BRF1: variants seen among roughly 807,000 people sequenced by gnomAD.
BRF1 encodes the protein BRF1 general transcription factor IIIB subunit.
BRF1 carries 59 observed loss-of-function variants against 81.7 expected under a neutral mutation model. The ratio of observed to expected loss-of-function variants is 0.72; its 90% CI spans 0.59 to 0.90. The LOEUF (loss-of-function observed/expected upper bound fraction) is 0.90, where lower values mean the gene tolerates loss of function less well. Among genes scored for constraint, BRF1 ranks in the 40% least tolerant of loss-of-function variants. The pLI, the probability that BRF1 is intolerant of heterozygous loss-of-function variation, is 0.00. For missense variants in BRF1, 1,050 were observed against 936.3 expected (o/e 1.12, Z -1.58); for synonymous variants, 491 against 395.6 (o/e 1.24, Z -2.86).
chr14:105,248,409 C>T (rs2055274497), intron 5 of BRF1: 3 of 985,266 alleles, frequency 3.0e-6, no homozygotes, highest in African/African-American at 1.7e-5. Context: ...CCGCCTTCCA[C>T]GGCTACCTCT....
chr14:105,215,122 C>G (rs1228394927), intron 15 of BRF1, among the ~76,000 whole-genome samples: 1 of 152,168 alleles, frequency 6.6e-6, no homozygotes, highest in East Asian at 1.9e-4. Context: ...TGATGGGTTT[C>G]TAAAGCAGGA....
At position 105,274,325 on chromosome 14, in the gene BRF1, G is replaced by A. The variant is rs1407648343; in HGVS notation, c.266-1431C>T. ...AAACTGAGGGAACTCAGAGACCGGT[G>A]CCGGTGCAGGTCCTTGGTATGCTGA... On this transcript the variant is annotated intron_variant, in intron 2 of 17. Coordinates refer to ENST00000547530, the MANE Select transcript of BRF1 (RefSeq NM_001519.4). Among the ~76,000 whole-genome samples the A allele has an allele frequency of 2.0e-5, 3 of 152,190 alleles. No individual in the cohort carries two copies. The East Asian group carries it at 5.8e-4, about 29-fold the overall frequency.
intron 3 of BRF1, among the ~76,000 whole-genome samples, chr14:105,266,720 GACAA>G (rs2056433878): frequency 6.6e-6 from 1 of 152,070 alleles, no homozygotes; most frequent in Non-Finnish European, 1.5e-5. Flanking sequence ...CAAAAGGCAG[GACAA>G]ACAGATGAGA....
Position 105,292,939 on chromosome 14 carries a change from T to C in BRF1, c.185-6563A>G, listed in dbSNP as rs587763034. 1.4e-4 allele frequency among the ~76,000 whole-genome samples: 21 copies of C among 152,208 alleles called. 1 individual carries two copies. The South Asian group carries it at 2.9e-3, about 21-fold the overall frequency. ...GGCCACTGCGGAGGAGCTGGTTTTG[T>C]AGTGATTACAATTTGGTTACGGAAA... On this transcript the variant is annotated intron_variant, in intron 1 of 17. Transcript: ENST00000547530.
At chr14:105,278,615 G>A (rs1369441349) in intron 2 of BRF1, among the ~76,000 whole-genome samples, 2 of 151,944 alleles carry the variant, frequency 1.3e-5, no homozygotes, top group Non-Finnish European at 2.9e-5. Flanking sequence ...TTATAATTAA[G>A]AAATTTCTGG....
At chr14:105,278,362 G>A (rs1191930194) in intron 2 of BRF1, among the ~76,000 whole-genome samples, 1 of 151,136 alleles carries the variant, frequency 6.6e-6, no homozygotes, top group Non-Finnish European at 1.5e-5. Flanking sequence ...AGCTTGGAAG[G>A]TTGAGGCTGC....
At chr14:105,260,747 C>T (rs894422903) in intron 3 of BRF1, among the ~76,000 whole-genome samples, 3 of 152,198 alleles carry the variant, frequency 2.0e-5, no homozygotes, top group Non-Finnish European at 4.4e-5. Context: ...AAACATTTAA[C>T]GAAGTTAGAA....
chr14:105,249,604 G>C (rs1171185661), intron 5 of BRF1: 18 of 1,589,886 alleles, frequency 1.1e-5, no homozygotes, highest in Non-Finnish European at 1.5e-5. Flanking sequence ...TGGGTGCTTG[G>C]GAGCCAGCCC....
rs2058282037 is a variant in BRF1, at chr14:105,309,356, A to C, written c.-162+5966T>G. On this transcript the variant is annotated intron_variant, in intron 1 of 17. Transcript: ENST00000327359. The surrounding 1 kb of genome is among the most constrained non-coding windows in gnomAD (Gnocchi z 4.0). ...GATTTGTCACACAATCACATATCTG[A>C]GAATTTCCCCATGTTGCTAAAACTG... 2.0e-5 allele frequency among the ~76,000 whole-genome samples: 3 copies of C among 151,946 alleles called. No homozygotes were observed. The highest frequency in any genetic ancestry group is 4.1e-4 in the South Asian group (2 of 4,830).
At chr14:105,305,705 G>A (rs764756581), upstream of BRF1, among the ~76,000 whole-genome samples, 23 of 152,314 alleles carry the variant, frequency 1.5e-4, no homozygotes, top group East Asian at 3.9e-4. Flanking sequence ...CCTGGGGACC[G>A]GTTAGGTGCC....
intron 2 of BRF1, among the ~76,000 whole-genome samples, chr14:105,278,006 C>T (rs932053364): frequency 2.0e-5 from 3 of 152,148 alleles, no homozygotes; most frequent in Admixed American, 6.5e-5. Context: ...CACCCATCTC[C>T]GCCTCCCAAA....
At chr14:105,249,658 G>A (rs759160917) in intron 5 of BRF1, 1 of 1,612,584 alleles carries the variant, frequency 6.2e-7, no homozygotes, top group Non-Finnish European at 8.5e-7. Context: ...ACAGTGATGA[G>A]ATCGATCTGG....
Position 105,270,174 on chromosome 14 carries a change from CTTTT to C in BRF1, c.439+2543_439+2546del, listed in dbSNP as rs56662868. On this transcript the variant is annotated intron_variant, in intron 3 of 17. Coordinates refer to ENST00000547530, the MANE Select transcript of BRF1 (RefSeq NM_001519.4). ...GACAAATTTCAAAATGTTGAAAGGA[CTTTT>C]TTTTTTTTTTTTTGAGACGGAGTCT... Among the ~76,000 whole-genome samples the C allele has an allele frequency of 1.1e-3, 131 of 115,304 alleles. 1 individual carries two copies. Among genetic ancestry groups the C allele is most frequent in the African/African-American group, 3.7e-3 (114 of 30,794 alleles). The allele number at this position is 115,304 out of a possible 152,430, so 75.6% of individuals were successfully genotyped here. A position where few individuals can be genotyped will look rare whatever the true frequency, so the allele number is the denominator to read the frequency against.
At chr14:105,225,710 C>T (rs1412561161) in intron 10 of BRF1, among the ~76,000 whole-genome samples, 2 of 151,694 alleles carry the variant, frequency 1.3e-5, no homozygotes, top group South Asian at 4.2e-4. Flanking sequence ...TGCCGTGGTG[C>T]GATCTTGGCT....
chr14:105,247,086 C>CTT, intron 5 of BRF1: 2 of 985,480 alleles, frequency 2.0e-6, no homozygotes, highest in Non-Finnish European at 2.4e-6. Flanking sequence ...TCTATGGAAA[C>CTT]AGACGGCTGG....
intron 3 of BRF1, among the ~76,000 whole-genome samples, chr14:105,257,636 G>A (rs896439210): frequency 3.3e-5 from 5 of 152,216 alleles, no homozygotes; most frequent in Non-Finnish European, 4.4e-5. Context: ...AGGACCGACT[G>A]CAGCACAGCC....
chr14:105,253,726 C>T (rs1423523685), intron 4 of BRF1, among the ~76,000 whole-genome samples: 1 of 152,220 alleles, frequency 6.6e-6, no homozygotes, highest in Non-Finnish European at 1.5e-5. Context: ...ACCATCCACC[C>T]CAGTGGGGCG....
intron 1 of BRF1, among the ~76,000 whole-genome samples, chr14:105,291,184 A>C (rs1019733636): frequency 6.6e-6 from 1 of 152,128 alleles, no homozygotes; most frequent in Non-Finnish European, 1.5e-5. Context: ...CGGTTCCACC[A>C]GAGCCAGAGC....
chr14:105,211,878 C>G lies in BRF1; in HGVS notation c.1824+235G>C, dbSNP rs587738959. 1.8e-4 allele frequency: 108 copies of G among 595,134 alleles called. 2 individuals carry two copies. In the South Asian group the frequency reaches 1.9e-3, roughly 11 times the overall value. 36.9% of individuals were successfully genotyped at this position (595,134 alleles called of 1,614,324 possible). A position where few individuals can be genotyped will look rare whatever the true frequency, so the allele number is the denominator to read the frequency against. ...CAAGGCTGCTCAGCCTTGGCCCGAG[C>G]GCTGAGCAGCAGGCACACAACGGTC... On this transcript the variant is annotated intron_variant, in intron 16 of 17. Transcript: ENST00000547530.
Sources: gnomAD v4.1 joint callset for allele counts (sites outside exome capture counted in the v4.1 genomes callset) on GRCh38, gnomAD v4.1.1 for gene constraint, Gnocchi (gnomAD v3.1) non-coding constraint, MANE v1.5 for transcripts, NCBI Gene and HGNC (gene_info 2026-07-23, HGNC 2026-07-21) for gene names.